The following TMEM63C variants were observed in gnomAD, a reference collection of about 807,000 sequenced individuals.
TMEM63C encodes transmembrane protein 63C, also known as osmosensitive cation channel TMEM63C.
In TMEM63C, 32 loss-of-function variants were observed where a neutral mutation model predicts 99.2. That is an observed-to-expected ratio of 0.32 (90% CI 0.24 to 0.43). TMEM63C has a LOEUF of 0.43. Ranked by LOEUF, TMEM63C falls within the 20% of genes least tolerant of loss-of-function variation. TMEM63C has a pLI of 1.00. For synonymous variants in TMEM63C, 376 were observed against 397.9 expected (o/e 0.94, Z 0.66); for missense variants, 826 against 1,053.0 (o/e 0.78, Z 2.98).
intron 1 of TMEM63C, among the ~76,000 whole-genome samples, chr14:77,196,631 T>C (rs943309024): frequency 6.6e-6 from 1 of 152,194 alleles, no homozygotes; most frequent in African/African-American, 2.4e-5. Context: ...TTCCAAGAGT[T>C]CCCTAACTCT....
rs1889307892 is a variant in TMEM63C, at chr14:77,248,755, C to G, written c.1765-12C>G. On this transcript the variant is annotated splice_polypyrimidine_tract_variant and intron_variant, in intron 19 of 23. Coordinates refer to ENST00000298351, the MANE Select transcript of TMEM63C (RefSeq NM_020431.4). Reference sequence around the variant, plus strand: ...TGGGCCACCTCAGGGTGACACCTGCCTTCTGCCCCAGAACCAGGCCATAGA... The same window carrying G: ...TGGGCCACCTCAGGGTGACACCTGCGTTCTGCCCCAGAACCAGGCCATAGA... 6.2e-7 allele frequency: 1 copy of G among 1,612,964 alleles called. No individual in the cohort carries two copies. Among genetic ancestry groups the G allele is most frequent in the African/African-American group, 1.3e-5 (1 of 74,918 alleles).
intron 10 of TMEM63C, 91 bp downstream of exon 10, chr14:77,238,858 G>T (rs1392677252): frequency 2.0e-5 from 21 of 1,031,642 alleles, no homozygotes; most frequent in Non-Finnish European, 3.1e-5. Flanking sequence ...GGTGCAGGAT[G>T]GTGGGACTGG....
intron 16 of TMEM63C, 92 bp from the exon 17 acceptor site, chr14:77,245,848 A>G: frequency 1.1e-6 from 1 of 940,682 alleles, no homozygotes; most frequent in Non-Finnish European, 1.8e-6. Context: ...GCCAAACCAT[A>G]TCAGTGTCTC....
At chr14:77,204,267 C>T (rs187156551) in intron 1 of TMEM63C, among the ~76,000 whole-genome samples, 169 of 152,094 alleles carry the variant, frequency 1.1e-3, no homozygotes, top group African/African-American at 4.0e-3. Context: ...TAAATCAAAA[C>T]AGAAACAGAT....
chr14:77,227,856 C>T lies in TMEM63C; in HGVS notation c.350+2395C>T, dbSNP rs115126337. On this transcript the variant is annotated intron_variant, in intron 6 of 23. Transcript: ENST00000298351. ...CACAGAGGCAGAGAAGGAAGGTCAC[C>T]TTTTTCCAGAGGTGCATGGAAGGAG... 6.9e-3 allele frequency among the ~76,000 whole-genome samples: 1,046 copies of T among 152,038 alleles called. 9 individuals are homozygous for T. Among genetic ancestry groups the T allele is most frequent in the African/African-American group, 0.024 (1,003 of 41,462 alleles).
At chr14:77,212,738 G>T (rs1340769811) in intron 1 of TMEM63C, among the ~76,000 whole-genome samples, 2 of 152,190 alleles carry the variant, frequency 1.3e-5, no homozygotes, top group Non-Finnish European at 2.9e-5. Context: ...GGGAGAGGGT[G>T]AGGATCTTGT....
chr14:77,205,367 C>T (rs1457011103), intron 1 of TMEM63C, among the ~76,000 whole-genome samples: 3 of 152,174 alleles, frequency 2.0e-5, no homozygotes, highest in Non-Finnish European at 4.4e-5. Context: ...TCTCACACTG[C>T]GTTATCACTG....
intron 3 of TMEM63C, 96 bp from the exon 4 acceptor site, chr14:77,219,402 C>T: frequency 3.1e-6 from 4 of 1,305,964 alleles, no homozygotes; most frequent in Non-Finnish European, 4.4e-6. Context: ...CTGGGGACCT[C>T]AGGGACAGGG....
intron 1 of TMEM63C, among the ~76,000 whole-genome samples, chr14:77,210,510 A>T (rs533290901): frequency 6.6e-6 from 1 of 152,322 alleles, no homozygotes; most frequent in South Asian, 2.1e-4. Context: ...GCCAGCAGAC[A>T]TGTCAGTGGT....
intron 1 of TMEM63C, among the ~76,000 whole-genome samples, chr14:77,202,348 A>C (rs189860853): frequency 4.6e-5 from 7 of 151,970 alleles, no homozygotes; most frequent in Middle Eastern, 3.4e-3. Flanking sequence ...ACACACAAGC[A>C]CCAATGCATA....
intron 12 of TMEM63C, 42 bp downstream of exon 12, chr14:77,239,768 G>A (rs1343269243): frequency 1.2e-6 from 2 of 1,603,796 alleles, no homozygotes; most frequent in Non-Finnish European, 1.7e-6. Context: ...GGGAGCGGTG[G>A]GGTCCTGGGG....
intron 1 of TMEM63C, among the ~76,000 whole-genome samples, chr14:77,189,848 C>T (rs895070020): frequency 2.0e-5 from 3 of 152,120 alleles, no homozygotes; most frequent in Non-Finnish European, 4.4e-5. Context: ...ATACCTGTGC[C>T]GGCTCTTTGC....
intron 18 of TMEM63C, among the ~76,000 whole-genome samples, chr14:77,248,003 C>T (rs1342150677): frequency 6.6e-6 from 1 of 152,182 alleles, no homozygotes; most frequent in African/African-American, 2.4e-5. Context: ...TACAGACCCC[C>T]CAGAAACCCA....
At position 77,184,638 on chromosome 14, in the gene TMEM63C, T is replaced by C. The variant is rs928217401; in HGVS notation, c.-77+2744T>C. Among the ~76,000 whole-genome samples the C allele has an allele frequency of 1.7e-4, 26 of 152,318 alleles. 1 individual carries two copies. Among genetic ancestry groups the C allele is most frequent in the African/African-American group, 6.0e-4 (25 of 41,560 alleles). On this transcript the variant is annotated intron_variant, in intron 1 of 23. Transcript: ENST00000298351. ...AGGAAGTGCTCAGCTTCCAGTGAGA[T>C]CAGCAGCTTTTAGTGCCCTGTTTTG...
chr14:77,245,407 A>T (rs7153043), intron 16 of TMEM63C, among the ~76,000 whole-genome samples: 3 of 152,222 alleles, frequency 2.0e-5, no homozygotes, highest in African/African-American at 7.2e-5. Flanking sequence ...GTATGTCTGT[A>T]TTAGCCAGTT....
At chr14:77,222,877 C>T (rs1888750141) in intron 5 of TMEM63C, among the ~76,000 whole-genome samples, 1 of 152,254 alleles carries the variant, frequency 6.6e-6, no homozygotes, top group African/African-American at 2.4e-5. Context: ...AACGATCCCT[C>T]ATCTGCAAGA....
At chr14:77,186,911 C>T (rs574674706) in intron 1 of TMEM63C, among the ~76,000 whole-genome samples, 2 of 152,156 alleles carry the variant, frequency 1.3e-5, no homozygotes, top group East Asian at 3.9e-4. Flanking sequence ...TGGCTGGCGC[C>T]TCATGTGCCC....
intron 9 of TMEM63C, among the ~76,000 whole-genome samples, chr14:77,237,671 A>G (rs1485917411): frequency 6.6e-6 from 1 of 152,250 alleles, no homozygotes; most frequent in Non-Finnish European, 1.5e-5. Context: ...GGCCCTGCAC[A>G]AAAGCTGAAC....
chr14:77,250,230 C>T (rs1156828736), intron 21 of TMEM63C, among the ~76,000 whole-genome samples: 1 of 152,152 alleles, frequency 6.6e-6, no homozygotes, highest in African/African-American at 2.4e-5. Flanking sequence ...TAGCTACACA[C>T]AGCTACTGCT....
Sources: allele counts gnomAD v4.1 joint callset (sites outside exome capture counted in the v4.1 genomes callset), GRCh38; gene constraint gnomAD v4.1.1; transcripts MANE v1.5; gene names NCBI Gene and HGNC (gene_info 2026-07-23, HGNC 2026-07-21).